KDM4B: variants seen among roughly 807,000 people sequenced by gnomAD.
The protein encoded by KDM4B is lysine-specific demethylase 4B.
A neutral mutation model predicts 125.2 loss-of-function variants in KDM4B; 32 were observed. That is an observed-to-expected ratio of 0.26 (90% CI 0.19 to 0.34). KDM4B has a LOEUF of 0.34. Among genes scored for constraint, KDM4B ranks in the 10% least tolerant of loss-of-function variants. KDM4B has a pLI of 1.00. For synonymous variants in KDM4B, 721 were observed against 677.9 expected, an observed-to-expected ratio of 1.06 and a Z score of -0.99; for missense variants, 1,190 against 1,577.7, an observed-to-expected ratio of 0.75 and a Z score of 4.16.
At chr19:5,057,174 CT>C (rs2037437143) in intron 6 of KDM4B, among the ~76,000 whole-genome samples, 1 of 152,092 alleles carries the variant, frequency 6.6e-6, no homozygotes, top group Non-Finnish European at 1.5e-5. Context: ...CCTCTGCACA[CT>C]GTGGTGGTGG....
At chr19:5,025,235 A>G (rs1198912938) in intron 2 of KDM4B, among the ~76,000 whole-genome samples, 1 of 152,200 alleles carries the variant, frequency 6.6e-6, no homozygotes, top group Non-Finnish European at 1.5e-5. Flanking sequence ...TAATCCCAGC[A>G]CTTTGGGAGG....
intron 21 of KDM4B, among the ~76,000 whole-genome samples, chr19:5,145,544 G>A (rs2039826666): frequency 6.6e-6 from 1 of 152,058 alleles, no homozygotes; most frequent in Non-Finnish European, 1.5e-5. Context: ...TCACACCACT[G>A]CACTCCACAC....
chr19:5,021,636 GTTTTTTT>G (rs397859195), intron 2 of KDM4B, among the ~76,000 whole-genome samples: 1 of 126,280 alleles, frequency 7.9e-6, no homozygotes, highest in Non-Finnish European at 1.6e-5. Context: ...CCTGGCACAG[GTTTTTTT>G]TTTTTTTTTT....
intron 6 of KDM4B, among the ~76,000 whole-genome samples, chr19:5,056,852 CCCT>C (rs1568263740): frequency 1.4e-5 from 2 of 146,616 alleles, no homozygotes; most frequent in African/African-American, 2.5e-5. Context: ...GGGGTGGGGA[CCCT>C]GGGGCGGGGA....
chr19:5,003,666 G>A (rs573813318), intron 1 of KDM4B, among the ~76,000 whole-genome samples: 2 of 152,106 alleles, frequency 1.3e-5, no homozygotes, highest in African/African-American at 4.8e-5. Context: ...AAAATTAGCT[G>A]GGCATGGTGG....
chr19:5,151,330 C>T lies in KDM4B; in HGVS notation c.3115-5C>T, dbSNP rs533603129. The T allele has an allele frequency of 2.2e-5, 33 of 1,534,088 alleles. No individual in the cohort carries two copies. Among genetic ancestry groups the T allele is most frequent in the Middle Eastern group, 4.0e-4 (2 of 5,010 alleles). On this transcript the variant is annotated splice_polypyrimidine_tract_variant and splice_region_variant and intron_variant, in intron 22 of 22. Coordinates refer to ENST00000159111, the MANE Select transcript of KDM4B (RefSeq NM_015015.3). ...GCTAACCACTGTGCTTCCGCTCTCCCGCAGTCACTGAGCACGGGGGCACCG... is the reference window on the plus strand; with the variant it reads ...GCTAACCACTGTGCTTCCGCTCTCCTGCAGTCACTGAGCACGGGGGCACCG...
At chr19:5,054,062 C>T (rs2037317604) in intron 6 of KDM4B, among the ~76,000 whole-genome samples, 1 of 152,224 alleles carries the variant, frequency 6.6e-6, no homozygotes, top group African/African-American at 2.4e-5. Context: ...GAGTGGGCCT[C>T]AGTGACCAGC....
intron 9 of KDM4B, among the ~76,000 whole-genome samples, chr19:5,084,550 ATATATAAAT>A (rs1361293014): frequency 4.6e-5 from 6 of 129,134 alleles, no homozygotes; most frequent in African/African-American, 1.1e-4. Flanking sequence ...ATTATATATA[ATATATAAAT>A]TATATAAATT....
chr19:5,049,444 G>A (rs546439017), intron 6 of KDM4B, among the ~76,000 whole-genome samples: 1 of 152,052 alleles, frequency 6.6e-6, no homozygotes. Flanking sequence ...AGGGAATTCC[G>A]GAAGCGCCCT....
rs997458912 is a variant in KDM4B at position 4,971,243 on chromosome 19, G to A, written c.-109+2013G>A. 2.0e-5 allele frequency among the ~76,000 whole-genome samples: 3 copies of A among 152,050 alleles called. No homozygotes were observed. The highest frequency in any genetic ancestry group is 4.4e-5 in the Non-Finnish European group (3 of 68,006). On this transcript the variant is annotated intron_variant, in intron 1 of 22. Coordinates refer to ENST00000159111, the MANE Select transcript of KDM4B (RefSeq NM_015015.3). The surrounding 1 kb of genome is among the most constrained non-coding windows in gnomAD (Gnocchi z 4.1). ...CTGATCAGCCACCGCACAGCACCCC[G>A]CCTGGCCTTTGTTGTACTTTTCTGT...
intron 9 of KDM4B, among the ~76,000 whole-genome samples, chr19:5,096,701 G>A (rs932801033): frequency 4.1e-5 from 6 of 147,672 alleles, no homozygotes; most frequent in Admixed American, 2.0e-4. Flanking sequence ...TCGGTGGCGC[G>A]TGTTGCCATG....
At chr19:5,001,919 A>T (rs2035399024) in intron 1 of KDM4B, among the ~76,000 whole-genome samples, 1 of 148,016 alleles carries the variant, frequency 6.8e-6, no homozygotes, top group Admixed American at 6.7e-5. Flanking sequence ...TGGATATTTG[A>T]CTCTTTCCTC....
At position 5,038,184 on chromosome 19, in the gene KDM4B, C is replaced by T. The variant is rs145325071; in HGVS notation, c.142-1652C>T. ...GGCCCGGTCGACTCCTGGAAGGAGG[C>T]GTGGGGCCTGCAGTGCCCACCCCAG... On this transcript the variant is annotated intron_variant, in intron 3 of 22. Coordinates refer to ENST00000159111, the MANE Select transcript of KDM4B (RefSeq NM_015015.3). Among the ~76,000 whole-genome samples the T allele has an allele frequency of 8.2e-3, 1,253 of 152,306 alleles. 18 individuals are homozygous for T. The highest frequency in any genetic ancestry group is 0.027 in the African/African-American group (1,143 of 41,584).
chr19:5,087,888 GTC>G (rs1312466930), intron 9 of KDM4B, among the ~76,000 whole-genome samples: 1 of 152,210 alleles, frequency 6.6e-6, no homozygotes, highest in African/African-American at 2.4e-5. Context: ...CTGCACTCGA[GTC>G]TCTGGACGGG....
chr19:5,088,397 G>A (rs2038575649), intron 9 of KDM4B, among the ~76,000 whole-genome samples: 1 of 152,166 alleles, frequency 6.6e-6, no homozygotes, highest in Admixed American at 6.5e-5. Flanking sequence ...GGACCACGCA[G>A]GCCATATCAC....
At position 5,142,174 on chromosome 19, in the gene KDM4B, G is replaced by A. The variant is rs1413281680; in HGVS notation, c.2551-1793G>A. On this transcript the variant is annotated intron_variant, in intron 18 of 22. Transcript: ENST00000159111. The surrounding 1 kb of genome is among the most constrained non-coding windows in gnomAD (Gnocchi z 5.4). Reference sequence around the variant, plus strand: ...CCTGTGGCCTCCGAGGAAGGACACCGAGCCGGGAACTTCGAACCAAACACC... The same window carrying A: ...CCTGTGGCCTCCGAGGAAGGACACCAAGCCGGGAACTTCGAACCAAACACC... Among the ~76,000 whole-genome samples the A allele has an allele frequency of 2.6e-5, 4 of 152,114 alleles. No individual in the cohort carries two copies. Among genetic ancestry groups the A allele is most frequent in the Non-Finnish European group, 4.4e-5 (3 of 67,986 alleles).
At chr19:5,057,286 AG>A (rs2037441853) in intron 6 of KDM4B, among the ~76,000 whole-genome samples, 1 of 152,034 alleles carries the variant, frequency 6.6e-6, no homozygotes, top group South Asian at 2.1e-4. Context: ...CTGCATTGGA[AG>A]GTCTTACAAA....
In KDM4B at chr19:5,018,939, G is replaced by A. The variant is rs557253015; in HGVS notation, c.-26+2600G>A. 1.5e-4 allele frequency among the ~76,000 whole-genome samples: 23 copies of A among 152,352 alleles called. No homozygotes were observed. In the East Asian group the frequency reaches 4.1e-3, roughly 27 times the overall value. On this transcript the variant is annotated intron_variant, in intron 2 of 22. Coordinates refer to ENST00000159111, the MANE Select transcript of KDM4B (RefSeq NM_015015.3). Reference sequence around the variant, plus strand: ...GTCGCGTTCTGCTGTGTGTGGTGCCGGGCGACCTGCTCCCCTGCTGATGGG... The same window carrying A: ...GTCGCGTTCTGCTGTGTGTGGTGCCAGGCGACCTGCTCCCCTGCTGATGGG...
chr19:5,139,338 G>A (rs558934024), intron 18 of KDM4B, among the ~76,000 whole-genome samples: 1 of 152,278 alleles, frequency 6.6e-6, no homozygotes, highest in African/African-American at 2.4e-5. Flanking sequence ...TGTTGATCCG[G>A]GCACCCGCCG....
Sources: gnomAD v4.1 joint callset for allele counts (sites outside exome capture counted in the v4.1 genomes callset) on GRCh38, gnomAD v4.1.1 for gene constraint, Gnocchi (gnomAD v3.1) non-coding constraint, MANE v1.5 for transcripts, NCBI Gene and HGNC (gene_info 2026-07-23, HGNC 2026-07-21) for gene names.